The following NACA variants were observed in gnomAD, a reference collection of about 807,000 sequenced individuals.
NACA encodes the protein nascent polypeptide associated complex subunit alpha, also known as nascent polypeptide-associated complex subunit alpha.
Under a neutral mutation model 86.4 loss-of-function variants are expected in NACA, and 42 were observed. The observed-to-expected ratio is 0.49, with a 90% CI of 0.38 to 0.63. The LOEUF (loss-of-function observed/expected upper bound fraction) is 0.63. NACA is among the 20% of genes least tolerant of loss of function. The pLI, the probability that NACA is intolerant of heterozygous loss-of-function variation, is 0.00. For missense variants in NACA, 2,157 were observed against 2,483.6 expected (o/e 0.87, Z 2.80); for synonymous variants, 898 against 973.7 (o/e 0.92, Z 1.45).
Position 56,716,497 on chromosome 12 carries a change from G to A in NACA, c.5033C>T (p.Pro1678Leu). 6.6e-7 allele frequency: 1 copy of A among 1,520,426 alleles called. No homozygotes were observed. The highest frequency in any genetic ancestry group is 8.9e-7 in the Non-Finnish European group (1 of 1,120,980). The allele number at this position is 1,520,426 out of a possible 1,614,324, so 94.2% of individuals were successfully genotyped here. A position where few individuals can be genotyped will look rare whatever the true frequency, so the allele number is the denominator to read the frequency against. Residue 1678 changes from proline (P) to leucine (L), a missense_variant, in exon 3 of 9, where the codon CCC (proline) becomes CTC (leucine). Transcript: ENST00000454682. The part of the protein sequence containing the change: ...ASKGLPAKKG[P>L]TALKEVLVAP... ...AACAAGTACTTCTTTCAGAGCTGTG[G>A]GGCCTTTCTTTGCTGGAAGCCCTTT...
At position 56,717,258 on chromosome 12, in the gene NACA, G is replaced by A. The variant is rs372666259; in HGVS notation, c.4272C>T (p.Gly1424=). The A allele has an allele frequency of 8.4e-5, 111 of 1,327,930 alleles. No individual in the cohort carries two copies. The highest frequency in any genetic ancestry group is 9.7e-5 in the Non-Finnish European group (99 of 1,016,774). 82.3% of individuals were successfully genotyped at this position (1,327,930 alleles called of 1,614,324 possible). Residue 1424 remains glycine (G), a synonymous_variant, in exon 3 of 9, where the codon GGC becomes GGT. Coordinates refer to ENST00000454682, the MANE Select transcript of NACA (RefSeq NM_001365896.1). ...GATCTCCTTTGGATGGGGTGGCTGC[G>A]CCTTCTCTGGTGACTGGAGTTGCTG... ...KAPATPVTRE[G]AATPSKGDLT...
chr12:56,722,213 A>C (rs987465461), intron 2 of NACA, among the ~76,000 whole-genome samples: 1 of 152,182 alleles, frequency 6.6e-6, no homozygotes, highest in African/African-American at 2.4e-5. Context: ...AAAACCAACC[A>C]CAAAAGGACT....
In NACA at chr12:56,716,789, T is replaced by G; in HGVS notation, c.4741A>C (p.Ser1581Arg). The G allele has an allele frequency of 8.0e-7, 1 of 1,244,928 alleles. No homozygotes were observed. Among genetic ancestry groups the G allele is most frequent in the African/African-American group, 1.9e-5 (1 of 53,652 alleles). 77.1% of individuals were successfully genotyped at this position (1,244,928 alleles called of 1,614,324 possible). A position where few individuals can be genotyped will look rare whatever the true frequency, so the allele number is the denominator to read the frequency against. ...GTGGAAGGAGTCACTGCTGGGGGAC[T>G]GGAGGCCTCTTTGGAGGATGGGGTA... The part of the protein sequence containing the change: ...PATPSSKEAS[S>R]PPAVTPSTYK... Residue 1581 changes from serine to arginine, a missense_variant, in exon 3 of 9, where the codon AGT becomes CGT. Physicochemically the swap from Ser to Arg is moderately radical, Grantham distance 110. Transcript: ENST00000454682.
rs1234013833 is a variant in NACA at position 56,720,380 on chromosome 12, C to T, written c.1150G>A (p.Gly384Ser). The change falls in exon 3 of 9, where the codon GGT (glycine) becomes AGT (serine). Residue 384 changes from glycine (G) to serine (S), a missense_variant. This residue lies in a region of NACA where 947 missense variants were observed against 917.9 expected (regional missense o/e 1.03). Transcript: ENST00000454682. ...GTTATGCTAGAGATGGTAGAGGGAC[C>T]TTTGTCAACAGATGGAGCCACCACT... is the stretch of plus-strand genomic sequence containing the variant. ...FPVVAPSVDK[G>S]PSTISSITCS... 6.2e-7 allele frequency: 1 copy of T among 1,613,868 alleles called. No homozygotes were observed. The highest frequency in any genetic ancestry group is 1.1e-5 in the South Asian group (1 of 91,068).
At chr12:56,724,136 G>A (rs545854602) in intron 2 of NACA, among the ~76,000 whole-genome samples, 8 of 152,204 alleles carry the variant, frequency 5.3e-5, no homozygotes, top group Non-Finnish European at 8.8e-5. Context: ...GTTCCAATAG[G>A]TAAGAATCAC....
Position 56,715,979 on chromosome 12 carries a change from C to T in NACA, c.5551G>A (p.Gly1851Arg). The T allele has an allele frequency of 6.4e-7, 1 of 1,574,114 alleles. No homozygotes were observed. Among genetic ancestry groups the T allele is most frequent in the Non-Finnish European group, 8.6e-7 (1 of 1,158,208 alleles). The change falls in exon 3 of 9, where the codon GGG (glycine) becomes AGG (arginine). Residue 1851 changes from glycine (G) to arginine (R), a missense_variant. Gly to Arg is a moderately radical substitution (Grantham distance 125). This residue lies in a region of NACA where 797 missense variants were observed against 777.6 expected (regional missense o/e 1.02). Transcript: ENST00000454682. ...AGGACCGACTGGAAAGGCACTCCCC[C>T]AGAGATTGGTTCCGGGGGAATCAGA... is the stretch of plus-strand genomic sequence containing the variant. ...LPLIPPEPIS[G>R]GVPFQSVLVN... is the part of the protein sequence containing the mutation.
At position 56,720,502 on chromosome 12, in the gene NACA, T is replaced by A. The variant is rs777548762; in HGVS notation, c.1028A>T (p.His343Leu). The part of the protein sequence containing the change: ...DPTVKTISVD[H>L]SSTGASYPSQ... ...AGGATAAGAGGCCCCTGTGGAAGAA[T>A]GATCTACAGAAATGGTCTTCACTGT... Residue 343 changes from histidine to leucine, a missense_variant, in exon 3 of 9, where the codon CAT becomes CTT. Around this residue, in one of 8 missense-constraint regions of NACA, gnomAD observed 947 missense variants for 917.9 expected, o/e 1.03. Coordinates refer to ENST00000454682, the MANE Select transcript of NACA (RefSeq NM_001365896.1). 3.1e-6 allele frequency: 5 copies of A among 1,613,816 alleles called. No individual in the cohort carries two copies. Among genetic ancestry groups the A allele is most frequent in the East Asian group, 2.2e-5 (1 of 44,880 alleles).
Position 56,719,077 on chromosome 12 carries a change from T to C in NACA, c.2453A>G (p.Asp818Gly), listed in dbSNP as rs111411917. The change falls in exon 3 of 9, where the codon GAT becomes GGT. Residue 818 changes from aspartate (D) to glycine (G), a missense_variant. Physicochemically the swap from Asp to Gly is moderately conservative, Grantham distance 94. This residue lies in a region of NACA where 174 missense variants were observed against 217.0 expected (regional missense o/e 0.80). Coordinates refer to ENST00000454682, the MANE Select transcript of NACA (RefSeq NM_001365896.1). ...PPTKKGSAGP[D>G]TPIGNLSSPV... ...GGATGAGAGATTTCCAATAGGAGTA[T>C]CAGGGCCAGCAGAACCCTTCTTGGT... The C allele has an allele frequency of 2.0e-4, 296 of 1,450,282 alleles. No individual in the cohort carries two copies. The African/African-American group carries it at 3.7e-3, about 18-fold the overall frequency. 89.8% of individuals were successfully genotyped at this position (1,450,282 alleles called of 1,614,324 possible).
chr12:56,712,514 C>A lies in NACA; in HGVS notation c.*24G>T, dbSNP rs1457665113. 6.2e-7 allele frequency: 1 copy of A among 1,609,576 alleles called. No individual in the cohort carries two copies. The highest frequency in any genetic ancestry group is 1.7e-5 in the Admixed American group (1 of 59,494). ...AAGCTGCAGTTACTCCTTTGAGACA[C>A]CAAAAAAAGTTGCTTCCATATGGTT... is the stretch of plus-strand genomic sequence containing the variant. On this transcript the variant is annotated 3_prime_UTR_variant, in exon 9 of 9. Coordinates refer to ENST00000454682, the MANE Select transcript of NACA (RefSeq NM_001365896.1).
At position 56,717,023 on chromosome 12, in the gene NACA, G is replaced by C. The variant is rs199681422; in HGVS notation, c.4507C>G (p.Pro1503Ala). The change falls in exon 3 of 9, where the codon CCC becomes GCC. Residue 1503 changes from proline to alanine, a missense_variant. Physicochemically the swap from Pro to Ala is conservative, Grantham distance 27 (BLOSUM62 -1). This residue lies in a region of NACA where 797 missense variants were observed against 777.6 expected (regional missense o/e 1.02). Coordinates refer to ENST00000454682, the MANE Select transcript of NACA (RefSeq NM_001365896.1). ...GAAGGAATCACAGCTGGCAGAGTGGGGGCCCCCATGGGGGCTGGAGTTGCT... is the reference window on the plus strand; with the variant it reads ...GAAGGAATCACAGCTGGCAGAGTGGCGGCCCCCATGGGGGCTGGAGTTGCT... The part of the protein sequence containing the change: ...APATPAPMGA[P>A]TLPAVIPSSP... The C allele has an allele frequency of 1.8e-3, 2,332 of 1,275,592 alleles. 3 individuals carry two copies. Among genetic ancestry groups the C allele is most frequent in the Non-Finnish European group, 2.1e-3 (2,057 of 992,350 alleles). 79.0% of individuals were successfully genotyped at this position (1,275,592 alleles called of 1,614,324 possible).
intron 3 of NACA, 100 bp downstream of exon 3, chr12:56,715,771 T>C: frequency 1.9e-6 from 2 of 1,076,528 alleles, no homozygotes; most frequent in African/African-American, 1.6e-5. Context: ...GCAGATTCAC[T>C]GGAGAAAGCG....
chr12:56,724,921 G>A (rs138834097), intron 1 of NACA: 165 of 207,274 alleles, frequency 8.0e-4, no homozygotes, highest in African/African-American at 3.7e-3. Flanking sequence ...GCTTGTCACA[G>A]GGAGAACGGT....
chr12:56,724,534 G>C lies in NACA; in HGVS notation c.-2-11C>G. Reference sequence around the variant, plus strand: ...CTTCGCCGGGCATTTCTGAAGGAAGGGAATAAAAAGGAGGCCTAAATTGAT... The same window carrying C: ...CTTCGCCGGGCATTTCTGAAGGAAGCGAATAAAAAGGAGGCCTAAATTGAT... On this transcript the variant is annotated splice_polypyrimidine_tract_variant and intron_variant, in intron 1 of 8. Coordinates refer to ENST00000454682, the MANE Select transcript of NACA (RefSeq NM_001365896.1). The C allele has an allele frequency of 6.2e-7, 1 of 1,609,634 alleles. No individual in the cohort carries two copies. The highest frequency in any genetic ancestry group is 1.1e-5 in the South Asian group (1 of 90,278).
At position 56,717,690 on chromosome 12, in the gene NACA, G is replaced by T; in HGVS notation, c.3840C>A (p.Thr1280=). 1 of 1,173,322 alleles carries T rather than the reference G, an allele frequency of 8.5e-7. No individual in the cohort carries two copies. The allele number at this position is 1,173,322 out of a possible 1,614,324, so 72.7% of individuals were successfully genotyped here. ...GATTGGGGGCCCCTTTGTGGGGTGG[G>T]GTAGCTAGACCTCCTTTTAGGGAGG... The part of the protein sequence containing the change: ...TPPSLKGGLA[T]PPHKGAPNPA... The change falls in exon 3 of 9, where the codon ACC becomes ACA. Residue 1280 remains threonine, a synonymous_variant. Coordinates refer to ENST00000454682, the MANE Select transcript of NACA (RefSeq NM_001365896.1).
chr12:56,714,517 T>G, intron 4 of NACA, 78 bp from the exon 5 acceptor site: 1 of 1,604,704 alleles, frequency 6.2e-7, no homozygotes, highest in South Asian at 1.1e-5. Flanking sequence ...TTTTCCTTTA[T>G]GAAGGTTCAC....
chr12:56,718,100 GT>G lies in NACA; in HGVS notation c.3429del (p.Pro1145GlnfsTer19). ...PPSPKGGLATPPPKGAPTTPA... is the reference protein window; with the variant it reads ...PPSPKGGLATXPPKGAPTTPA... ...GGGGTTGTGGGGGCCCCTTTTGGGGGTGGGGTAGCTAGACCTCCTTTTGGGG... is the reference window on the plus strand; with the variant it reads ...GGGGTTGTGGGGGCCCCTTTTGGGGGGGGGTAGCTAGACCTCCTTTTGGGG... On this transcript the variant is annotated frameshift_variant, in exon 3 of 9. Coordinates refer to ENST00000454682, the MANE Select transcript of NACA (RefSeq NM_001365896.1). LOFTEE classifies it high-confidence loss of function. 4 of 943,736 alleles carry G rather than the reference GT, an allele frequency of 4.2e-6. No individual in the cohort carries two copies. The allele number at this position is 943,736 out of a possible 1,614,324, so 58.5% of individuals were successfully genotyped here.
In NACA at chr12:56,715,932, T is replaced by C. The variant is rs1953343760; in HGVS notation, c.5598A>G (p.Lys1866=). 1 of 1,529,372 alleles carries C rather than the reference T, an allele frequency of 6.5e-7. No homozygotes were observed. Among genetic ancestry groups the C allele is most frequent in the African/African-American group, 1.4e-5 (1 of 71,966 alleles). 94.7% of individuals were successfully genotyped at this position (1,529,372 alleles called of 1,614,324 possible). Reference sequence around the variant, plus strand: ...GGGTTGGGACAGGGATTCCAGCAGATTTAGGGGTGGGCATGTTGACGAGGA... The same window carrying C: ...GGGTTGGGACAGGGATTCCAGCAGACTTAGGGGTGGGCATGTTGACGAGGA... The part of the protein sequence containing the change: ...QSVLVNMPTP[K]SAGIPVPTPS... The change falls in exon 3 of 9, where the codon AAA becomes AAG. Residue 1866 remains lysine, a synonymous_variant. Coordinates refer to ENST00000454682, the MANE Select transcript of NACA (RefSeq NM_001365896.1).
In NACA at chr12:56,720,032, T is replaced by C. The variant is rs771748726; in HGVS notation, c.1498A>G (p.Thr500Ala). The C allele has an allele frequency of 1.2e-6, 2 of 1,613,776 alleles. No individual in the cohort carries two copies. Among genetic ancestry groups the C allele is most frequent in the African/African-American group, 2.7e-5 (2 of 74,968 alleles). ...PKEPSTQVAT[T>A]LRIPVSPPLP... ...GGAGGAGAGACTGGTATCCTCAGAGTGGTTGCTACTTGAGTAGAAGGCTCT... is the reference window on the plus strand; with the variant it reads ...GGAGGAGAGACTGGTATCCTCAGAGCGGTTGCTACTTGAGTAGAAGGCTCT... The change falls in exon 3 of 9, where the codon ACT (threonine) becomes GCT (alanine). Residue 500 changes from threonine to alanine, a missense_variant. By Grantham distance (58) the Thr-to-Ala change is moderately conservative. Coordinates refer to ENST00000454682, the MANE Select transcript of NACA (RefSeq NM_001365896.1).
chr12:56,719,667 G>A lies in NACA; in HGVS notation c.1863C>T (p.Ile621=). The change falls in exon 3 of 9, where the codon ATC becomes ATT. Residue 621 remains isoleucine (I), a synonymous_variant. Transcript: ENST00000454682. ...CTGGGCCTGCATAAGAATCTGTCTT[G>A]ATTACAGAGGCCGAGGAGTTAACAC... ...PLGVNSSASV[I]KTDSYAGPDS... is the part of the protein sequence containing the mutation. 1.9e-6 allele frequency: 3 copies of A among 1,613,758 alleles called. No individual in the cohort carries two copies. Among genetic ancestry groups the A allele is most frequent in the Non-Finnish European group, 2.5e-6 (3 of 1,179,738 alleles).
Sources: gnomAD v4.1 joint callset for allele counts (sites outside exome capture counted in the v4.1 genomes callset) on GRCh38, gnomAD v4.1.1 for gene constraint, gnomAD v4.1.1 regional missense constraint, MANE v1.5 for transcripts, NCBI Gene and HGNC (gene_info 2026-07-23, HGNC 2026-07-21) for gene names.